The following WT1 variants were observed in gnomAD, a reference collection of about 807,000 sequenced individuals.
The protein encoded by WT1 is WT1 transcription factor.
A neutral mutation model predicts 60.8 loss-of-function variants in WT1; 8 were observed. The ratio of observed to expected loss-of-function variants is 0.13; its 90% CI spans 0.08 to 0.24. The LOEUF (loss-of-function observed/expected upper bound fraction) is 0.24. Ranked by LOEUF, WT1 falls within the 10% of genes least tolerant of loss-of-function variation. The pLI, the probability that WT1 is intolerant of heterozygous loss-of-function variation, is 1.00. For missense variants in WT1, 568 were observed against 711.8 expected (o/e 0.80, Z 2.30); for synonymous variants, 312 against 297.1 (o/e 1.05, Z -0.52).
chr11:32,426,891 C>G (rs1853062376), intron 3 of WT1, among the ~76,000 whole-genome samples: 1 of 152,154 alleles, frequency 6.6e-6, no homozygotes, highest in African/African-American at 2.4e-5. Flanking sequence ...CCCTCCTCCA[C>G]CTGCGGGACT....
At chr11:32,424,685 A>C (rs1852967474) in intron 3 of WT1, among the ~76,000 whole-genome samples, 1 of 152,204 alleles carries the variant, frequency 6.6e-6, no homozygotes, top group African/African-American at 2.4e-5. Flanking sequence ...ACTGTTGTTC[A>C]TAGCCACAAC....
rs566653842 is a variant in WT1 at position 32,392,090 on chromosome 11, T to C, written c.1355-26A>G. ...CTAAATGGACAGAGAAGGTCTAGCC[T>C]CGGCCCTAACAATGTGGGCACAGTG... On this transcript the variant is annotated intron_variant, in intron 8 of 9. Transcript: ENST00000452863. 1.9e-5 allele frequency: 31 copies of C among 1,610,388 alleles called. No individual in the cohort carries two copies. In the South Asian group the frequency reaches 2.7e-4, roughly 14 times the overall value.
chr11:32,435,037 C>T lies in WT1; in HGVS notation c.324G>A (p.Ala108=), dbSNP rs1229643010. 1.4e-6 allele frequency: 2 copies of T among 1,458,688 alleles called. No individual in the cohort carries two copies. Among genetic ancestry groups the T allele is most frequent in the South Asian group, 1.4e-5 (1 of 72,824 alleles). 90.4% of individuals were successfully genotyped at this position (1,458,688 alleles called of 1,614,324 possible). The change falls in exon 1 of 10, where the codon GCG becomes GCA. Residue 108 remains alanine, a synonymous_variant. Transcript: ENST00000452863. ...CCGGGGGCGCAAAGTCCAGCACCGG[C>T]GCCCACTGCGCCGCGCCGCTCACAG... is the stretch of plus-strand genomic sequence containing the variant.
intron 3 of WT1, among the ~76,000 whole-genome samples, chr11:32,418,278 C>T (rs7107082): frequency 0.35 from 51,889 of 148,702 alleles, 10,482 homozygotes; most frequent in East Asian, 0.73. Flanking sequence ...TTCTATAAGA[C>T]TCTATGAGGG....
At position 32,434,669 on chromosome 11, in the gene WT1, G is replaced by T. The variant is rs1003636057; in HGVS notation, c.661+31C>A. ...GGAGAGTCCCTGGCGCCACTGCCCC[G>T]CGCGTAGGGGGCGCTCCCCGGCCTA... On this transcript the variant is annotated intron_variant, in intron 1 of 9. Coordinates refer to ENST00000452863, the MANE Select transcript of WT1 (RefSeq NM_024426.6). 6 of 1,612,268 alleles carry T rather than the reference G, an allele frequency of 3.7e-6. No homozygotes were observed. The South Asian group carries it at 5.5e-5, about 15-fold the overall frequency.
At chr11:32,392,150 GC>G in intron 8 of WT1, 86 bp from the exon 9 acceptor site, 1 of 1,213,138 alleles carries the variant, frequency 8.2e-7, no homozygotes. Flanking sequence ...AGCTGGAGGA[GC>G]CCAGCATTTC....
chr11:32,425,445 A>G (rs1014288638), intron 3 of WT1, among the ~76,000 whole-genome samples: 3 of 152,242 alleles, frequency 2.0e-5, no homozygotes, highest in African/African-American at 7.2e-5. Context: ...CAACCATTAC[A>G]TTCACAAAAG....
intron 6 of WT1, among the ~76,000 whole-genome samples, chr11:32,396,794 C>T (rs1330431303): frequency 6.6e-6 from 1 of 152,206 alleles, no homozygotes; most frequent in Non-Finnish European, 1.5e-5. Flanking sequence ...TCTAACTACT[C>T]CCTCCCACTT....
chr11:32,428,436 G>C, intron 2 of WT1, 61 bp downstream of exon 2: 1 of 1,611,388 alleles, frequency 6.2e-7, no homozygotes, highest in South Asian at 1.1e-5. Flanking sequence ...GGAATTCCTG[G>C]GGGAGAGGAG....
chr11:32,417,486 T>G (rs968339691), intron 4 of WT1, 91 bp downstream of exon 4: 18 of 1,193,822 alleles, frequency 1.5e-5, no homozygotes, highest in Non-Finnish European at 2.2e-5. Context: ...CTTCTAAAAC[T>G]GTACTTTCTT....
At chr11:32,419,425 T>C (rs1432374370) in intron 3 of WT1, among the ~76,000 whole-genome samples, 1 of 152,234 alleles carries the variant, frequency 6.6e-6, no homozygotes, top group Non-Finnish European at 1.5e-5. Flanking sequence ...TAAAAATTGT[T>C]CACCAACTAA....
At chr11:32,401,508 G>T (rs546009222) in intron 5 of WT1, among the ~76,000 whole-genome samples, 14 of 151,890 alleles carry the variant, frequency 9.2e-5, no homozygotes, top group East Asian at 1.9e-4. Context: ...AAATTATCGG[G>T]GGGGGGTGTG....
At chr11:32,426,041 GC>G (rs1359539730) in intron 3 of WT1, among the ~76,000 whole-genome samples, 2 of 152,172 alleles carry the variant, frequency 1.3e-5, no homozygotes, top group African/African-American at 4.8e-5. Context: ...TTTCAAGGCT[GC>G]CAGGTCCTCT....
At chr11:32,426,561 G>C (rs1006538262) in intron 3 of WT1, among the ~76,000 whole-genome samples, 1 of 152,178 alleles carries the variant, frequency 6.6e-6, no homozygotes, top group East Asian at 1.9e-4. Flanking sequence ...AGCTAGGGAC[G>C]CAGAAAAAGA....
At chr11:32,409,374 C>A (rs1852423595) in intron 5 of WT1, among the ~76,000 whole-genome samples, 2 of 152,062 alleles carry the variant, frequency 1.3e-5, no homozygotes, top group African/African-American at 2.4e-5. Context: ...CAGAAAAAAA[C>A]CATTAACAGA....
intron 6 of WT1, among the ~76,000 whole-genome samples, chr11:32,399,290 G>C (rs1288606274): frequency 6.6e-6 from 1 of 151,776 alleles, no homozygotes; most frequent in Non-Finnish European, 1.5e-5. Context: ...TAGAATAATA[G>C]GTACATGGCA....
rs554330657 is a variant in WT1, at chr11:32,389,902, A to G, written c.1448-723T>C. Reference sequence around the variant, plus strand: ...CCAAGCCTCATTCTCATTAGGGAGAATAACTACCATTTATTTGATGCTTAA... The same window carrying G: ...CCAAGCCTCATTCTCATTAGGGAGAGTAACTACCATTTATTTGATGCTTAA... On this transcript the variant is annotated intron_variant, in intron 9 of 9. Transcript: ENST00000452863. 9.8e-5 allele frequency among the ~76,000 whole-genome samples: 15 copies of G among 152,326 alleles called. No homozygotes were observed. The East Asian group carries it at 2.9e-3, about 29-fold the overall frequency.
intron 3 of WT1, among the ~76,000 whole-genome samples, chr11:32,420,585 G>A (rs1292106552): frequency 6.6e-6 from 1 of 152,160 alleles, no homozygotes; most frequent in African/African-American, 2.4e-5. Context: ...TTGAGGCACA[G>A]AGAGATGCCC....
Position 32,435,164 on chromosome 11 carries a change from G to T in WT1, c.197C>A (p.Ala66Glu), listed in dbSNP as rs1341675324. 4 of 1,520,520 alleles carry T rather than the reference G, an allele frequency of 2.6e-6. No individual in the cohort carries two copies. Among genetic ancestry groups the T allele is most frequent in the Non-Finnish European group, 3.5e-6 (4 of 1,139,854 alleles). The allele number at this position is 1,520,520 out of a possible 1,614,324, so 94.2% of individuals were successfully genotyped here. ...CATTTGCTGCGGCTCAGACCCGGAC[G>T]CCCCGCGGCTCCTCCGGCCCTGGAG... The change falls in exon 1 of 10, where the codon GCG becomes GAG. Residue 66 changes from alanine (A) to glutamate (E), a missense_variant. This residue lies in a region of WT1 where 523 missense variants were observed against 565.1 expected (regional missense o/e 0.93). Transcript: ENST00000452863.
Sources: allele counts gnomAD v4.1 joint callset (sites outside exome capture counted in the v4.1 genomes callset), GRCh38; gene constraint gnomAD v4.1.1; regional missense constraint gnomAD v4.1.1; transcripts MANE v1.5; gene names NCBI Gene and HGNC (gene_info 2026-07-23, HGNC 2026-07-21).